Variants in NSUN3 observed in about 807,000 individuals in gnomAD.
The protein encoded by NSUN3 is tRNA (cytosine(34)-C(5))-methyltransferase, mitochondrial.
In NSUN3, 24 loss-of-function variants were observed where a neutral mutation model predicts 36.8. That is an observed-to-expected ratio of 0.65 (90% confidence interval 0.47 to 0.92). The LOEUF is 0.92. Ranked by LOEUF, NSUN3 falls within the 40% of genes least tolerant of loss-of-function variation. The pLI, the probability that NSUN3 is intolerant of heterozygous loss-of-function variation, is 0.00. For missense variants in NSUN3, 381 were observed against 392.8 expected (o/e 0.97, Z 0.25); for synonymous variants, 146 against 145.2 (o/e 1.01, Z -0.04).
chr3:94,070,403 C>G (rs571240233), intron 2 of NSUN3, among the ~76,000 whole-genome samples: 114 of 152,228 alleles, frequency 7.5e-4, no homozygotes, highest in African/African-American at 2.7e-3. Context: ...CGAGGCTTCA[C>G]TGAGCCATGA....
In NSUN3 at chr3:94,090,562, A is replaced by G. The variant is rs147987630; in HGVS notation, c.467-3578A>G. On this transcript the variant is annotated intron_variant, in intron 3 of 5. Coordinates refer to ENST00000314622, the MANE Select transcript of NSUN3 (RefSeq NM_022072.5). ...ATGCAAGGTATTGGATGGTATGTGT[A>G]TAGAGGTAAGGGATATAGAAATGAT... Among the ~76,000 whole-genome samples, 784 of 152,328 alleles carry G rather than the reference A, an allele frequency of 5.1e-3. 6 individuals carry two copies. Among genetic ancestry groups the G allele is most frequent in the African/African-American group, 0.018 (730 of 41,580 alleles).
chr3:94,100,090 G>T (rs2107259708), intron 5 of NSUN3, among the ~76,000 whole-genome samples: 2 of 152,316 alleles, frequency 1.3e-5, no homozygotes, highest in Admixed American at 6.5e-5. Flanking sequence ...CAATTGGAAT[G>T]CAGATAAACA....
Position 94,126,453 on chromosome 3 carries a change from C to T in NSUN3, c.986C>T (p.Ala329Val), listed in dbSNP as rs1331877407. The T allele has an allele frequency of 1.9e-6, 3 of 1,611,232 alleles. No homozygotes were observed. Among genetic ancestry groups the T allele is most frequent in the Non-Finnish European group, 2.5e-6 (3 of 1,177,572 alleles). The change falls in exon 6 of 6, where the codon GCC (alanine) becomes GTC (valine). Residue 329 changes from alanine to valine, a missense_variant. Coordinates refer to ENST00000314622, the MANE Select transcript of NSUN3 (RefSeq NM_022072.5). ...KGKAWGPMYV[A>V]KLKKSWSTGK... The stretch of plus-strand genomic sequence containing the variant: ...AAAGCCTGGGGCCCAATGTATGTAG[C>T]CAAATTGAAGAAATCATGGAGCACA...
intron 5 of NSUN3, among the ~76,000 whole-genome samples, chr3:94,116,327 T>C (rs1255286543): frequency 1.3e-5 from 2 of 152,178 alleles, no homozygotes. Context: ...CATTAAACTT[T>C]GGGAAAGACA....
intron 2 of NSUN3, among the ~76,000 whole-genome samples, chr3:94,067,371 A>C (rs1167200916): frequency 6.6e-6 from 1 of 152,146 alleles, no homozygotes; most frequent in Non-Finnish European, 1.5e-5. Flanking sequence ...ATAAACTGTG[A>C]CTATAACTGT....
At chr3:94,072,514 G>A (rs780555823) in intron 2 of NSUN3, among the ~76,000 whole-genome samples, 7 of 152,238 alleles carry the variant, frequency 4.6e-5, no homozygotes, top group East Asian at 1.9e-4. Context: ...GATGTGAACC[G>A]GGTGGTAAGT....
rs557244866 is a variant in NSUN3 at position 94,074,156 on chromosome 3, G to C, written c.122+9610G>C. On this transcript the variant is annotated intron_variant, in intron 2 of 5. Transcript: ENST00000314622. Reference sequence around the variant, plus strand: ...AGGGCTCTGTTCTGTTCCATTGGTTGTATATATCTGTTTTGGTACCAGTTC... The same window carrying C: ...AGGGCTCTGTTCTGTTCCATTGGTTCTATATATCTGTTTTGGTACCAGTTC... Among the ~76,000 whole-genome samples the C allele has an allele frequency of 5.1e-4, 77 of 152,166 alleles. 1 individual carries two copies. In the Middle Eastern group the frequency reaches 0.01, roughly 20 times the overall value.
intron 5 of NSUN3, among the ~76,000 whole-genome samples, chr3:94,102,764 A>G (rs1213762990): frequency 6.6e-6 from 1 of 152,184 alleles, no homozygotes; most frequent in African/African-American, 2.4e-5. Flanking sequence ...TGTAACTATT[A>G]TATTTTCTTT....
intron 3 of NSUN3, among the ~76,000 whole-genome samples, chr3:94,087,317 A>G (rs950491090): frequency 6.6e-6 from 1 of 152,244 alleles, no homozygotes; most frequent in Non-Finnish European, 1.5e-5. Flanking sequence ...CTAAATGTGC[A>G]TTTGTACACC....
chr3:94,129,521 T>A lies in NSUN3; in HGVS notation c.*3031T>A, dbSNP rs912285742. Among the ~76,000 whole-genome samples, 1 of 152,034 alleles carries A rather than the reference T, an allele frequency of 6.6e-6. No homozygotes were observed. Among genetic ancestry groups the A allele is most frequent in the African/African-American group, 2.4e-5 (1 of 41,378 alleles). ...GGGAGGGGAGGAGGGGGATGTAGGC[T>A]GAAAAACTACCTATTGGGTACTGCA... On this transcript the variant is annotated 3_prime_UTR_variant, in exon 6 of 6. Transcript: ENST00000314622.
chr3:94,083,404 C>T (rs552309754), intron 2 of NSUN3, among the ~76,000 whole-genome samples: 119 of 152,272 alleles, frequency 7.8e-4, no homozygotes, highest in African/African-American at 2.7e-3. Flanking sequence ...TTCTTGGGTC[C>T]GAACACCCAT....
intron 5 of NSUN3, among the ~76,000 whole-genome samples, chr3:94,107,636 C>T (rs1461423707): frequency 6.6e-6 from 1 of 152,000 alleles, no homozygotes; most frequent in African/African-American, 2.4e-5. Flanking sequence ...AGTCTACTGT[C>T]TCCTGCCCCA....
chr3:94,063,305 T>A lies in NSUN3; in HGVS notation c.12+167T>A, dbSNP rs551393730. On this transcript the variant is annotated intron_variant, in intron 1 of 5. Transcript: ENST00000314622. ...TGTCAAGCCCTGAAATAATGCTGAG[T>A]GCTGTAATGCTGAGTCCCTTCCGTC... The A allele has an allele frequency of 2.3e-4, 161 of 709,604 alleles. No individual in the cohort carries two copies. In the African/African-American group the frequency reaches 2.6e-3, roughly 12 times the overall value. 44.0% of individuals were successfully genotyped at this position (709,604 alleles called of 1,614,324 possible).
In NSUN3 at chr3:94,084,461, T is replaced by C; in HGVS notation, c.466+11T>C. The C allele has an allele frequency of 6.3e-7, 1 of 1,584,418 alleles. No homozygotes were observed. Among genetic ancestry groups the C allele is most frequent in the Non-Finnish European group, 8.6e-7 (1 of 1,162,200 alleles). ...AGTGTGCTTGTCCAGGTAGTGTGCT[T>C]TCCTTTCAGTATTTGACAACTTTTT... On this transcript the variant is annotated intron_variant, in intron 3 of 5. Coordinates refer to ENST00000314622, the MANE Select transcript of NSUN3 (RefSeq NM_022072.5).
chr3:94,081,324 G>A (rs1191572022), intron 2 of NSUN3, among the ~76,000 whole-genome samples: 6 of 152,166 alleles, frequency 3.9e-5, no homozygotes, highest in Non-Finnish European at 8.8e-5. Context: ...TGATCTTGCT[G>A]GGAGCTGCAG....
chr3:94,102,147 A>G (rs765067254), intron 5 of NSUN3, among the ~76,000 whole-genome samples: 10 of 151,290 alleles, frequency 6.6e-5, no homozygotes, highest in Non-Finnish European at 1.0e-4. Flanking sequence ...CATCCAGATA[A>G]CAATCCTTAA....
intron 2 of NSUN3, among the ~76,000 whole-genome samples, chr3:94,077,753 T>C (rs534201441): frequency 6.6e-6 from 1 of 152,334 alleles, no homozygotes; most frequent in African/African-American, 2.4e-5. Context: ...TCTCTGATGG[T>C]AGTTTGTATT....
At chr3:94,079,393 C>A (rs545785838) in intron 2 of NSUN3, among the ~76,000 whole-genome samples, 1 of 152,116 alleles carries the variant, frequency 6.6e-6, no homozygotes, top group African/African-American at 2.4e-5. Context: ...GGTAATCTGA[C>A]AATTATGTGC....
At chr3:94,118,653 G>T (rs142951005) in intron 5 of NSUN3, among the ~76,000 whole-genome samples, 19 of 152,046 alleles carry the variant, frequency 1.2e-4, no homozygotes, top group African/African-American at 4.3e-4. Context: ...TGCAGAAATG[G>T]ATGTTGCTTG....
Sources: gnomAD v4.1 joint callset for allele counts (sites outside exome capture counted in the v4.1 genomes callset) on GRCh38, gnomAD v4.1.1 for gene constraint, MANE v1.5 for transcripts, NCBI Gene and HGNC (gene_info 2026-07-23, HGNC 2026-07-21) for gene names.